ARID1B: variants seen among roughly 807,000 people sequenced by gnomAD.
ARID1B encodes the protein AT-rich interactive domain-containing protein 1B.
Under a neutral mutation model 212.3 loss-of-function variants are expected in ARID1B, and 30 were observed. That is an observed-to-expected ratio of 0.14 (90% CI 0.11 to 0.19). The LOEUF (loss-of-function observed/expected upper bound fraction) is 0.19. Among genes scored for constraint, ARID1B ranks in the 10% least tolerant of loss-of-function variants. The probability of loss-of-function intolerance (pLI) is 1.00; values close to 1 mark genes in which losing one functional copy is unlikely to be tolerated. For synonymous variants in ARID1B, 1,402 were observed against 1,301.7 expected, an observed-to-expected ratio of 1.08 and a Z score of -1.66; for missense variants, 2,891 against 3,204.0, an observed-to-expected ratio of 0.90 and a Z score of 2.36.
chr6:156,881,037 G>A (rs975146114), intron 2 of ARID1B, among the ~76,000 whole-genome samples: 6 of 152,184 alleles, frequency 3.9e-5, no homozygotes, highest in African/African-American at 1.4e-4. Context: ...GAGGTTAGAA[G>A]GGTATTTAAA....
intron 12 of ARID1B, among the ~76,000 whole-genome samples, chr6:157,181,754 A>G (rs7753423): frequency 0.16 from 24,496 of 152,086 alleles, 4,413 homozygotes; most frequent in African/African-American, 0.45. Flanking sequence ...CTTGACTCTC[A>G]GAGTGAGTGC....
intron 1 of ARID1B, among the ~76,000 whole-genome samples, chr6:156,795,705 C>T (rs1021171919): frequency 1.1e-4 from 17 of 152,182 alleles, no homozygotes; most frequent in African/African-American, 3.4e-4. Flanking sequence ...CCTCCCCAGG[C>T]TGCCCAGGCC....
At chr6:157,027,148 T>G (rs1780712572) in intron 4 of ARID1B, among the ~76,000 whole-genome samples, 1 of 152,204 alleles carries the variant, frequency 6.6e-6, no homozygotes, top group South Asian at 2.1e-4. Flanking sequence ...CTGTCTTCCC[T>G]AGAGTCATTT....
At chr6:156,941,991 T>C (rs1443778162) in intron 4 of ARID1B, 1 of 152,244 alleles carries the variant, frequency 6.6e-6, no homozygotes, top group African/African-American at 2.4e-5. Flanking sequence ...ATTTTAAGAA[T>C]TTGTTTAATT....
chr6:156,809,715 A>AAG (rs1163430610), intron 1 of ARID1B, among the ~76,000 whole-genome samples: 12 of 113,070 alleles, frequency 1.1e-4, no homozygotes, highest in Non-Finnish European at 2.5e-4. Context: ...TTTTCAAAGA[A>AAG]AAAAAAAAAA....
At chr6:156,794,874 C>T (rs553030310) in intron 1 of ARID1B, among the ~76,000 whole-genome samples, 1 of 152,300 alleles carries the variant, frequency 6.6e-6, no homozygotes, top group Non-Finnish European at 1.5e-5. Context: ...AGCCCTTCTG[C>T]ACCTGGCCCA....
chr6:156,842,576 G>A (rs1179392990), intron 2 of ARID1B, among the ~76,000 whole-genome samples: 1 of 152,186 alleles, frequency 6.6e-6, no homozygotes, highest in Non-Finnish European at 1.5e-5. Context: ...GAACATTTGT[G>A]TACAGGTATT....
intron 3 of ARID1B, among the ~76,000 whole-genome samples, chr6:156,909,123 C>CTT (rs60183999): frequency 0.045 from 4,931 of 108,822 alleles, 522 homozygotes; most frequent in African/African-American, 0.16. Context: ...TTTTCTTTCT[C>CTT]TTTTTTTTTT....
intron 4 of ARID1B, among the ~76,000 whole-genome samples, chr6:157,039,861 TCTCTC>T (rs1781729102): frequency 8.4e-6 from 1 of 119,406 alleles, no homozygotes; most frequent in Non-Finnish European, 1.8e-5. Flanking sequence ...TCTCTCTTTC[TCTCTC>T]TTTCTCTTTC....
At position 157,004,897 on chromosome 6, in the gene ARID1B, C is replaced by CTTTTTTGTTTTTTTT. The variant is rs1562542228; in HGVS notation, c.2247+69327_2247+69328insGTTTTTTTTTTTTTT. Among the ~76,000 whole-genome samples, 26 of 54,722 alleles carry CTTTTTTGTTTTTTTT rather than the reference C, an allele frequency of 4.8e-4. 2 individuals are homozygous for CTTTTTTGTTTTTTTT. The highest frequency in any genetic ancestry group is 6.6e-4 in the Non-Finnish European group (18 of 27,312). 35.9% of individuals were successfully genotyped at this position (54,722 alleles called of 152,430 possible). A position where few individuals can be genotyped will look rare whatever the true frequency, so the allele number is the denominator to read the frequency against. On this transcript the variant is annotated intron_variant, in intron 4 of 19. Transcript: ENST00000636930. Reference sequence around the variant, plus strand: ...TTTTTTCTTTTTCTTCTTCTTTTTTCTTTTTTTTTTTTTTTTTTTTTTTTT... The same window carrying CTTTTTTGTTTTTTTT: ...TTTTTTCTTTTTCTTCTTCTTTTTTCTTTTTTGTTTTTTTTTTTTTTTTTTTTTTTTTTTTTTTTT...
chr6:156,971,353 CAA>C (rs1263973531), intron 4 of ARID1B, among the ~76,000 whole-genome samples: 3 of 152,140 alleles, frequency 2.0e-5, no homozygotes, highest in African/African-American at 7.2e-5. Flanking sequence ...TCTTCAGCCT[CAA>C]GTTATTTATC....
chr6:156,929,051 C>T (rs932835230), intron 3 of ARID1B, among the ~76,000 whole-genome samples: 4 of 152,148 alleles, frequency 2.6e-5, no homozygotes, highest in African/African-American at 7.2e-5. Flanking sequence ...TCAGTTACTC[C>T]AGCCTAGTGC....
At chr6:156,854,751 A>G (rs531403818) in intron 2 of ARID1B, among the ~76,000 whole-genome samples, 7 of 152,400 alleles carry the variant, frequency 4.6e-5, no homozygotes, top group African/African-American at 1.7e-4. Flanking sequence ...TTGAATATAT[A>G]GGGCACAGAT....
At chr6:157,001,996 A>G (rs971013667) in intron 4 of ARID1B, among the ~76,000 whole-genome samples, 1 of 152,212 alleles carries the variant, frequency 6.6e-6, no homozygotes, top group Admixed American at 6.5e-5. Context: ...AAATGTGTCC[A>G]CACAGCTCCT....
intron 4 of ARID1B, among the ~76,000 whole-genome samples, chr6:156,978,733 C>G (rs1042179952): frequency 1.3e-5 from 2 of 152,062 alleles, no homozygotes; most frequent in African/African-American, 4.8e-5. Flanking sequence ...TAGTATGATT[C>G]AAAAGAGAAT....
intron 4 of ARID1B, among the ~76,000 whole-genome samples, chr6:156,987,717 T>G (rs1216230944): frequency 6.6e-6 from 1 of 152,230 alleles, no homozygotes; most frequent in African/African-American, 2.4e-5. Context: ...TGTTTTGTTT[T>G]GCAAACTTAA....
chr6:157,059,691 G>A (rs189265260), intron 4 of ARID1B, among the ~76,000 whole-genome samples: 5 of 152,252 alleles, frequency 3.3e-5, no homozygotes, highest in Admixed American at 1.3e-4. Flanking sequence ...TCCTTAGCAC[G>A]CCCCTTCTAC....
rs576973517 is a variant in ARID1B, at chr6:157,053,196, G to T, written c.2248-31466G>T. Reference sequence around the variant, plus strand: ...TGCCTCCAGGGCTCCAGCAATTCTCGTGCCTCAGCCTCCCGAGTAGCTGGG... The same window carrying T: ...TGCCTCCAGGGCTCCAGCAATTCTCTTGCCTCAGCCTCCCGAGTAGCTGGG... On this transcript the variant is annotated intron_variant, in intron 4 of 19. Coordinates refer to ENST00000636930, the MANE Select transcript of ARID1B (RefSeq NM_001374828.1). Among the ~76,000 whole-genome samples the T allele has an allele frequency of 4.7e-4, 70 of 149,824 alleles. 3 individuals carry two copies. In the South Asian group the frequency reaches 0.014, roughly 31 times the overall value.
At chr6:157,119,413 C>G (rs1787548255) in intron 6 of ARID1B, among the ~76,000 whole-genome samples, 1 of 152,184 alleles carries the variant, frequency 6.6e-6, no homozygotes, top group African/African-American at 2.4e-5. Context: ...CCAGCCCCGG[C>G]TTCCTTTGCT....
Sources: gnomAD v4.1 joint callset for allele counts (sites outside exome capture counted in the v4.1 genomes callset) on GRCh38, gnomAD v4.1.1 for gene constraint, MANE v1.5 for transcripts, NCBI Gene and HGNC (gene_info 2026-07-23, HGNC 2026-07-21) for gene names.